LYPD1: variants seen among roughly 807,000 people sequenced by gnomAD.
LYPD1 encodes ly6/PLAUR domain-containing protein 1.
LYPD1 carries 14 observed loss-of-function variants against 14.2 expected under a neutral mutation model. The observed-to-expected ratio is 0.99, with a 90% CI of 0.65 to 1.54. LYPD1 has a LOEUF of 1.54. Among genes scored for constraint, LYPD1 ranks in the 40% most tolerant of loss-of-function variants. The probability of loss-of-function intolerance (pLI) is 0.00; values close to 1 mark genes in which losing one functional copy is unlikely to be tolerated. For synonymous variants in LYPD1, 85 were observed against 70.6 expected, an observed-to-expected ratio of 1.20 and a Z score of -1.02; for missense variants, 165 against 175.7, an observed-to-expected ratio of 0.94 and a Z score of 0.34.
intron 2 of LYPD1, among the ~76,000 whole-genome samples, chr2:132,659,890 A>C (rs943257383): frequency 6.6e-6 from 1 of 152,218 alleles, no homozygotes; most frequent in African/African-American, 2.4e-5. Flanking sequence ...GGTTTGCTAC[A>C]TTTTGCATAA....
rs1409003949 is a variant in LYPD1, at chr2:132,644,668, A to C, written c.*1377T>G. Among the ~76,000 whole-genome samples the C allele has an allele frequency of 2.2e-5, 3 of 137,262 alleles. No individual in the cohort carries two copies. The highest frequency in any genetic ancestry group is 1.5e-4 in the Admixed American group (2 of 13,442). 90.0% of individuals were successfully genotyped at this position (137,262 alleles called of 152,430 possible). A position where few individuals can be genotyped will look rare whatever the true frequency, so the allele number is the denominator to read the frequency against. On this transcript the variant is annotated 3_prime_UTR_variant, in exon 3 of 3. Transcript: ENST00000397463. Reference sequence around the variant, plus strand: ...AAATATCACTAGGTCTTCTTTGTGCAGACATCCTTTAAAATACAAACACTG... The same window carrying C: ...AAATATCACTAGGTCTTCTTTGTGCCGACATCCTTTAAAATACAAACACTG...
intron 2 of LYPD1, among the ~76,000 whole-genome samples, chr2:132,662,563 TAGGAAGGA>T (rs888288970): frequency 3.4e-5 from 4 of 119,110 alleles, no homozygotes; most frequent in African/African-American, 1.4e-4. Flanking sequence ...GTTGGTCAAT[TAGGAAGGA>T]AGGAAGGAAG....
intron 2 of LYPD1, among the ~76,000 whole-genome samples, chr2:132,667,824 ACTT>A (rs1313265311): frequency 5.3e-5 from 8 of 152,154 alleles, no homozygotes; most frequent in African/African-American, 1.7e-4. Context: ...GATGCTCAGG[ACTT>A]CTTCTCAGCT....
At chr2:132,664,522 A>G (rs1683161093) in intron 2 of LYPD1, among the ~76,000 whole-genome samples, 1 of 152,246 alleles carries the variant, frequency 6.6e-6, no homozygotes, top group Admixed American at 6.5e-5. Context: ...TGTATTGCAA[A>G]ACAGACAAAT....
rs1231838028 is a variant in LYPD1, at chr2:132,668,434, G to A, written c.156C>T (p.Asp52=). The A allele has an allele frequency of 1.2e-6, 2 of 1,610,014 alleles. No homozygotes were observed. The highest frequency in any genetic ancestry group is 2.2e-5 in the East Asian group (1 of 44,540). ...GCTCCATCACTTCTTTCTGACACAT[G>A]TCTTGAACGTTCACCGTGCAATTCA... ...FIVNCTVNVQ[D]MCQKEVMEQS... The change falls in exon 2 of 3, where the codon GAC becomes GAT. Residue 52 remains aspartate (D), a synonymous_variant. Transcript: ENST00000397463.
chr2:132,670,878 G>C (rs372112670), upstream of LYPD1, among the ~76,000 whole-genome samples: 285 of 152,238 alleles, frequency 1.9e-3, 2 homozygotes, highest in African/African-American at 6.4e-3. The surrounding 1 kb of genome is among the most constrained non-coding windows in gnomAD (Gnocchi z 4.5). Flanking sequence ...CCGCCTGCGC[G>C]CACCGCTGGA....
At chr2:132,655,539 G>A (rs1682540043) in intron 2 of LYPD1, among the ~76,000 whole-genome samples, 1 of 22,896 alleles carries the variant, frequency 4.4e-5, no homozygotes, top group South Asian at 6.7e-4. Context: ...TTTTGAGATG[G>A]AGTCTCGCTC....
At chr2:132,663,036 C>T (rs2104921227) in intron 2 of LYPD1, 1 of 152,260 alleles carries the variant, frequency 6.6e-6, no homozygotes, top group Non-Finnish European at 1.5e-5. Context: ...GAGATAGTTG[C>T]TTCTTGAGAA....
chr2:132,668,585 AC>A, intron 1 of LYPD1, 48 bp from the exon 2 acceptor site: 1 of 1,596,142 alleles, frequency 6.3e-7, no homozygotes, highest in East Asian at 2.3e-5. Context: ...CACAGAGCCC[AC>A]CCCGGAAATC....
intron 2 of LYPD1, among the ~76,000 whole-genome samples, chr2:132,651,878 T>C (rs530298321): frequency 2.1e-4 from 32 of 152,330 alleles, no homozygotes; most frequent in African/African-American, 7.7e-4. Flanking sequence ...GTGTGGTCCC[T>C]TGGGTGGTAG....
chr2:132,662,172 TATA>T (rs1682986173), intron 2 of LYPD1, among the ~76,000 whole-genome samples: 2 of 152,242 alleles, frequency 1.3e-5, no homozygotes, highest in South Asian at 4.1e-4. Context: ...TAACTTGTAC[TATA>T]ATATCTGGGC....
chr2:132,667,869 G>A (rs565849927), intron 2 of LYPD1, among the ~76,000 whole-genome samples: 17 of 152,298 alleles, frequency 1.1e-4, no homozygotes, highest in Non-Finnish European at 2.1e-4. Flanking sequence ...GGCTGAGAAC[G>A]GCATTCCTTT....
rs1180944589 is a variant in LYPD1, at chr2:132,655,514, A to ATTTTTTTTTTTT, written c.191-9246_191-9235dup. On this transcript the variant is annotated intron_variant, in intron 2 of 2. Transcript: ENST00000397463. ...ATGATTCTCTTGGGGGTTGAGAAGCATTTTTTTTTTTTTTTTTTGAGATGG... is the reference window on the plus strand; with the variant it reads ...ATGATTCTCTTGGGGGTTGAGAAGCATTTTTTTTTTTTTTTTTTTTTTTTTTTTTTGAGATGG... Among the ~76,000 whole-genome samples, 267 of 99,444 alleles carry ATTTTTTTTTTTT rather than the reference A, an allele frequency of 2.7e-3. 29 individuals are homozygous for ATTTTTTTTTTTT. The highest frequency in any genetic ancestry group is 0.011 in the African/African-American group (228 of 20,786). The allele number at this position is 99,444 out of a possible 152,430, so 65.2% of individuals were successfully genotyped here.
chr2:132,661,874 T>C (rs1553464760), intron 2 of LYPD1, among the ~76,000 whole-genome samples: 3 of 151,026 alleles, frequency 2.0e-5, no homozygotes, highest in East Asian at 2.0e-4. Flanking sequence ...GGGTGAATTA[T>C]ATTTCAATAA....
intron 2 of LYPD1, among the ~76,000 whole-genome samples, chr2:132,655,765 CA>C (rs1482858153): frequency 2.0e-5 from 3 of 152,094 alleles, no homozygotes; most frequent in African/African-American, 7.2e-5. Flanking sequence ...CCGCCCACCT[CA>C]GCCTCCCAAA....
rs751997507 is a variant in LYPD1 at position 132,668,544 on chromosome 2, G to A, written c.53-7C>T. 1.2e-6 allele frequency: 2 copies of A among 1,611,352 alleles called. No individual in the cohort carries two copies. The highest frequency in any genetic ancestry group is 1.7e-6 in the Non-Finnish European group (2 of 1,179,188). Reference sequence around the variant, plus strand: ...TGGATTTGCAGCGCAAAGCCTGCGAGACAGACGCAGTCGGGTTCAGATCCG... The same window carrying A: ...TGGATTTGCAGCGCAAAGCCTGCGAAACAGACGCAGTCGGGTTCAGATCCG... On this transcript the variant is annotated splice_region_variant and splice_polypyrimidine_tract_variant and intron_variant, in intron 1 of 2. Transcript: ENST00000397463.
chr2:132,644,982 T>G lies in LYPD1; in HGVS notation c.*1063A>C. 1 of 1,186,318 alleles carries G rather than the reference T, an allele frequency of 8.4e-7. No individual in the cohort carries two copies. Among genetic ancestry groups the G allele is most frequent in the Non-Finnish European group, 1.2e-6 (1 of 859,376 alleles). The allele number at this position is 1,186,318 out of a possible 1,614,324, so 73.5% of individuals were successfully genotyped here. A position where few individuals can be genotyped will look rare whatever the true frequency, so the allele number is the denominator to read the frequency against. ...TCCAACACTGAAAAATTGGTACCAT[T>G]TCCTGGCCAGTAAGCACAGAACAGA... is the stretch of plus-strand genomic sequence containing the variant. On this transcript the variant is annotated 3_prime_UTR_variant, in exon 3 of 3. Transcript: ENST00000397463.
chr2:132,656,105 G>A (rs574363904), intron 2 of LYPD1, among the ~76,000 whole-genome samples: 10 of 152,240 alleles, frequency 6.6e-5, no homozygotes, highest in South Asian at 4.1e-4. Context: ...CCCAGTGGTC[G>A]TAAAAACAGA....
chr2:132,667,198 G>A (rs1394727892), intron 2 of LYPD1, among the ~76,000 whole-genome samples: 4 of 152,110 alleles, frequency 2.6e-5, no homozygotes. Flanking sequence ...CGCATTTCTC[G>A]AGACAAGTTA....
Sources: gnomAD v4.1 joint callset for allele counts (sites outside exome capture counted in the v4.1 genomes callset) on GRCh38, gnomAD v4.1.1 for gene constraint, Gnocchi (gnomAD v3.1) non-coding constraint, MANE v1.5 for transcripts, NCBI Gene and HGNC (gene_info 2026-07-23, HGNC 2026-07-21) for gene names.